PTPRN2: variants seen among roughly 807,000 people sequenced by gnomAD.
PTPRN2 encodes receptor-type tyrosine-protein phosphatase N2.
In PTPRN2, 74 loss-of-function variants were observed where a neutral mutation model predicts 118.8. That is an observed-to-expected ratio of 0.62 (90% confidence interval 0.52 to 0.76). PTPRN2 has a LOEUF of 0.76. PTPRN2 is among the 30% of genes least tolerant of loss of function. The pLI is 0.00. For synonymous variants in PTPRN2, 641 were observed against 608.0 expected, an observed-to-expected ratio of 1.05 and a Z score of -0.80; for missense variants, 1,481 against 1,394.4, an observed-to-expected ratio of 1.06 and a Z score of -0.99.
At chr7:157,573,655 G>A (rs1261790684) in intron 19 of PTPRN2, among the ~76,000 whole-genome samples, 1 of 152,222 alleles carries the variant, frequency 6.6e-6, no homozygotes, top group Non-Finnish European at 1.5e-5. Flanking sequence ...TAGCTGGTCA[G>A]CTCCTGCTTT....
At chr7:158,038,521 C>T (rs1171625036) in intron 11 of PTPRN2, among the ~76,000 whole-genome samples, 1 of 151,912 alleles carries the variant, frequency 6.6e-6, no homozygotes, top group Non-Finnish European at 1.5e-5. Flanking sequence ...ATTAAAAAGA[C>T]ACCATAAAAA....
intron 12 of PTPRN2, among the ~76,000 whole-genome samples, chr7:157,853,923 G>A (rs1387398303): frequency 6.6e-6 from 1 of 152,156 alleles, no homozygotes; most frequent in East Asian, 1.9e-4. Context: ...CGGAGATGCG[G>A]ACACGGGGCA....
rs1226189512 is a variant in PTPRN2 at position 157,615,049 on chromosome 7, T to TAA, written c.2344+6311_2344+6312dup. Among the ~76,000 whole-genome samples, 1 of 152,240 alleles carries TAA rather than the reference T, an allele frequency of 6.6e-6. No individual in the cohort carries two copies. Among genetic ancestry groups the TAA allele is most frequent in the Non-Finnish European group, 1.5e-5 (1 of 68,046 alleles). On this transcript the variant is annotated intron_variant, in intron 15 of 22. Coordinates refer to ENST00000389418, the MANE Select transcript of PTPRN2 (RefSeq NM_002847.5). This position sits in a 1 kb window ranked among gnomAD's most constrained non-coding sequence, Gnocchi z 4.3. Reference sequence around the variant, plus strand: ...TTGTATTTAGGACCTGCAGGCAGGCTAAAGTATTTGGACGTCATGACGCCT... The same window carrying TAA: ...TTGTATTTAGGACCTGCAGGCAGGCTAAAAAGTATTTGGACGTCATGACGCCT...
intron 14 of PTPRN2, among the ~76,000 whole-genome samples, chr7:157,650,168 G>A (rs1805551504): frequency 6.6e-6 from 1 of 152,160 alleles, no homozygotes; most frequent in South Asian, 2.1e-4. Context: ...CCCCTTCCCT[G>A]CTGGTTTAAT....
At chr7:158,283,443 G>A (rs971361213) in intron 3 of PTPRN2, among the ~76,000 whole-genome samples, 2 of 152,204 alleles carry the variant, frequency 1.3e-5, no homozygotes, top group Non-Finnish European at 2.9e-5. Flanking sequence ...CCACCACTGA[G>A]AGGGTAACCA....
intron 3 of PTPRN2, among the ~76,000 whole-genome samples, chr7:158,297,281 T>C (rs1017390482): frequency 6.6e-6 from 1 of 152,240 alleles, no homozygotes; most frequent in Non-Finnish European, 1.5e-5. Flanking sequence ...CTTTCAGCCG[T>C]TCTGTCCTGG....
intron 6 of PTPRN2, among the ~76,000 whole-genome samples, chr7:158,158,594 T>C (rs5022127): frequency 0.28 from 10,311 of 36,980 alleles, 1,440 homozygotes; most frequent in East Asian, 0.49. Flanking sequence ...GCAAGTGCTT[T>C]CTGAATGAAT....
At chr7:157,702,437 G>A (rs1354064398) in intron 12 of PTPRN2, among the ~76,000 whole-genome samples, 1 of 152,204 alleles carries the variant, frequency 6.6e-6, no homozygotes, top group African/African-American at 2.4e-5. Flanking sequence ...GGTGAACATG[G>A]GTGTCTCCCC....
intron 14 of PTPRN2, among the ~76,000 whole-genome samples, chr7:157,652,510 G>A: frequency 6.6e-6 from 1 of 152,358 alleles, no homozygotes; most frequent in South Asian, 2.1e-4. Flanking sequence ...CTGACCACCT[G>A]CTGTCATGGC....
intron 2 of PTPRN2, among the ~76,000 whole-genome samples, chr7:158,336,857 A>G (rs143024892): frequency 0.04 from 3,654 of 91,484 alleles, no homozygotes; most frequent in Middle Eastern, 0.1. Flanking sequence ...CACTCTCACC[A>G]TAAGAGCTGT....
chr7:158,467,365 T>C (rs115020300), intron 2 of PTPRN2, among the ~76,000 whole-genome samples: 1,917 of 152,298 alleles, frequency 0.013, 33 homozygotes, highest in African/African-American at 0.043. Context: ...TAACACCTTA[T>C]AGATCTATGG....
At chr7:157,689,793 G>T (rs1042756245) in intron 12 of PTPRN2, among the ~76,000 whole-genome samples, 4 of 152,208 alleles carry the variant, frequency 2.6e-5, no homozygotes, top group African/African-American at 4.8e-5. Context: ...GCCTCTCAGA[G>T]GCGTCCCCAC....
At chr7:158,132,130 TACAC>T (rs57902983) in intron 9 of PTPRN2, among the ~76,000 whole-genome samples, 7 of 149,982 alleles carry the variant, frequency 4.7e-5, no homozygotes, top group Non-Finnish European at 8.9e-5. Context: ...CCAACACACA[TACAC>T]ACACACGTAC....
In PTPRN2 at chr7:158,166,950, G is replaced by A; in HGVS notation, c.891C>T (p.Asp297=). Residue 297 remains aspartate, a synonymous_variant, in exon 6 of 23, where the codon GAC becomes GAT. Transcript: ENST00000389418. ...KWPSPLGDSE[D]PSSTGDGARI... ...GCTCACCATCGCCTGTGCTGGAGGG[G>A]TCTTCGGAATCTCCCAGAGGTGAAG... 1.4e-6 allele frequency: 2 copies of A among 1,445,252 alleles called. No individual in the cohort carries two copies. Among genetic ancestry groups the A allele is most frequent in the Non-Finnish European group, 9.1e-7 (1 of 1,094,526 alleles). The allele number at this position is 1,445,252 out of a possible 1,614,324, so 89.5% of individuals were successfully genotyped here.
chr7:158,203,842 C>T (rs1039262790), intron 4 of PTPRN2, among the ~76,000 whole-genome samples: 2 of 152,216 alleles, frequency 1.3e-5, no homozygotes, highest in Admixed American at 6.5e-5. Context: ...TGGTTTCCTA[C>T]AGAAAAGTCT....
intron 13 of PTPRN2, among the ~76,000 whole-genome samples, chr7:157,665,343 T>C (rs1205486405): frequency 6.6e-6 from 1 of 152,248 alleles, no homozygotes; most frequent in Non-Finnish European, 1.5e-5. Flanking sequence ...CTTGTGGCAT[T>C]TGCGTGACTC....
chr7:157,965,417 C>CGA (rs1801853877), intron 11 of PTPRN2, among the ~76,000 whole-genome samples: 1 of 152,278 alleles, frequency 6.6e-6, no homozygotes, highest in African/African-American at 2.4e-5. Flanking sequence ...ATCTCACCAT[C>CGA]GAGAGACTGA....
At chr7:157,742,924 A>C (rs924702778) in intron 12 of PTPRN2, among the ~76,000 whole-genome samples, 3 of 152,198 alleles carry the variant, frequency 2.0e-5, no homozygotes, top group Admixed American at 1.3e-4. Flanking sequence ...CCCACTACTC[A>C]GTTTAATCTG....
intron 6 of PTPRN2, among the ~76,000 whole-genome samples, chr7:158,153,558 G>A (rs11982237): frequency 0.63 from 95,650 of 152,022 alleles, 30,902 homozygotes; most frequent in East Asian, 0.79. Context: ...CTGAAGAAGC[G>A]AGCCACTCCC....
Sources: allele counts gnomAD v4.1 joint callset (sites outside exome capture counted in the v4.1 genomes callset), GRCh38; gene constraint gnomAD v4.1.1; non-coding constraint Gnocchi (gnomAD v3.1); transcripts MANE v1.5; gene names NCBI Gene and HGNC (gene_info 2026-07-23, HGNC 2026-07-21).